CPEB4: variants seen among roughly 807,000 people sequenced by gnomAD.
CPEB4 encodes cytoplasmic polyadenylation element binding protein 4, also known as cytoplasmic polyadenylation element-binding protein 4.
In CPEB4, 12 loss-of-function variants were observed where a neutral mutation model predicts 72.5. That is an observed-to-expected ratio of 0.17 (90% CI 0.11 to 0.27). The LOEUF (loss-of-function observed/expected upper bound fraction) is 0.27, where lower values mean the gene tolerates loss of function less well. Ranked by LOEUF, CPEB4 falls within the 10% of genes least tolerant of loss-of-function variation. The pLI, the probability that CPEB4 is intolerant of heterozygous loss-of-function variation, is 1.00. For missense variants in CPEB4, 614 were observed against 908.5 expected (o/e 0.68, Z 4.17); for synonymous variants, 302 against 326.3 (o/e 0.93, Z 0.80).
chr5:173,931,641 C>T (rs1211278089), intron 2 of CPEB4, among the ~76,000 whole-genome samples: 4 of 152,138 alleles, frequency 2.6e-5, no homozygotes, highest in Non-Finnish European at 4.4e-5. Context: ...GAACTAGGTC[C>T]ATATGTGTAC....
At chr5:173,892,272 C>A (rs190685394) in intron 1 of CPEB4, among the ~76,000 whole-genome samples, 1 of 53,478 alleles carries the variant, frequency 1.9e-5, no homozygotes, top group Non-Finnish European at 4.8e-5. Context: ...CTTCTAAAAA[C>A]GATTTTTTTT....
chr5:173,921,620 C>T (rs564559558), intron 2 of CPEB4, among the ~76,000 whole-genome samples: 1 of 152,214 alleles, frequency 6.6e-6, no homozygotes, highest in South Asian at 2.1e-4. Flanking sequence ...AGCCATCTGA[C>T]GAGATGGGTG....
At chr5:173,942,730 C>T (rs1427900736) in intron 3 of CPEB4, among the ~76,000 whole-genome samples, 1 of 152,120 alleles carries the variant, frequency 6.6e-6, no homozygotes, top group East Asian at 1.9e-4. Flanking sequence ...TTGTATACTG[C>T]CTTAGTTTCA....
chr5:173,937,387 T>A (rs1242930259), intron 3 of CPEB4, among the ~76,000 whole-genome samples: 1 of 152,096 alleles, frequency 6.6e-6, no homozygotes, highest in African/African-American at 2.4e-5. Flanking sequence ...AGAGGAAGAT[T>A]GTTTGCTTGG....
At chr5:173,946,831 A>G (rs1054675038) in intron 5 of CPEB4, among the ~76,000 whole-genome samples, 1 of 152,140 alleles carries the variant, frequency 6.6e-6, no homozygotes, top group Admixed American at 6.5e-5. Context: ...TGTTATACTG[A>G]CATTGTTCCC....
intron 2 of CPEB4, among the ~76,000 whole-genome samples, chr5:173,929,044 C>G (rs1281044484): frequency 6.6e-6 from 1 of 152,138 alleles, no homozygotes; most frequent in African/African-American, 2.4e-5. Context: ...TATCACAAGG[C>G]CGGATCAAAA....
At chr5:173,911,207 C>T (rs546720572) in intron 2 of CPEB4, among the ~76,000 whole-genome samples, 1 of 151,870 alleles carries the variant, frequency 6.6e-6, no homozygotes, top group African/African-American at 2.4e-5. Flanking sequence ...TAGAATTACC[C>T]GGGTGCTTTA....
chr5:173,916,964 A>G (rs1487857917), intron 2 of CPEB4, among the ~76,000 whole-genome samples: 1 of 152,174 alleles, frequency 6.6e-6, no homozygotes, highest in African/African-American at 2.4e-5. Flanking sequence ...CTTTCGATAC[A>G]CCATTTTACT....
intron 2 of CPEB4, 43 bp from the exon 3 acceptor site, chr5:173,932,407 T>C (rs771165558): frequency 1.6e-5 from 25 of 1,520,200 alleles, no homozygotes; most frequent in Non-Finnish European, 2.1e-5. Flanking sequence ...TTAAACCATC[T>C]ATGAAAAAAG....
rs1437411135 is a variant in CPEB4 at position 173,958,758 on chromosome 5, C to T, written c.*2621C>T. 1 of 152,252 alleles carries T rather than the reference C, an allele frequency of 6.6e-6. No homozygotes were observed. The highest frequency in any genetic ancestry group is 1.9e-4 in the East Asian group (1 of 5,264). The allele number at this position is 152,252 out of a possible 1,614,324, so 9.4% of individuals were successfully genotyped here. On this transcript the variant is annotated 3_prime_UTR_variant, in exon 10 of 10. Transcript: ENST00000265085. ...TAACAAAATTGTCTACAGCTTCTTA[C>T]TAAGTTTTTAAAATTATTCATAAAA...
At chr5:173,913,727 AAATT>A (rs2113185152) in intron 2 of CPEB4, among the ~76,000 whole-genome samples, 1 of 152,344 alleles carries the variant, frequency 6.6e-6, no homozygotes, top group South Asian at 2.1e-4. Flanking sequence ...ATGACAAAAT[AAATT>A]AAGTCTGATT....
chr5:173,927,345 G>A (rs1238949312), intron 2 of CPEB4, among the ~76,000 whole-genome samples: 1 of 152,190 alleles, frequency 6.6e-6, no homozygotes, highest in East Asian at 1.9e-4. Context: ...CACTCAAGAT[G>A]CCTAGGTATT....
intron 5 of CPEB4, among the ~76,000 whole-genome samples, chr5:173,948,500 GA>G (rs1183282274): frequency 6.6e-6 from 1 of 152,016 alleles, no homozygotes; most frequent in Non-Finnish European, 1.5e-5. Flanking sequence ...TATCTTGGGG[GA>G]AAAAAGATTA....
intron 2 of CPEB4, among the ~76,000 whole-genome samples, chr5:173,929,509 G>A (rs765480391): frequency 6.6e-5 from 10 of 152,058 alleles, no homozygotes; most frequent in Non-Finnish European, 1.5e-4. Context: ...GACCAGCCTG[G>A]GTAACATAGG....
intron 3 of CPEB4, among the ~76,000 whole-genome samples, chr5:173,938,721 C>T (rs1033602205): frequency 1.3e-5 from 2 of 152,200 alleles, no homozygotes; most frequent in African/African-American, 4.8e-5. Flanking sequence ...TCTTATCCTT[C>T]ATGGCCTAAA....
rs1004447174 is a variant in CPEB4 at position 173,958,785 on chromosome 5, G to A, written c.*2648G>A. 3 of 152,564 alleles carry A rather than the reference G, an allele frequency of 2.0e-5. No individual in the cohort carries two copies. Among genetic ancestry groups the A allele is most frequent in the Admixed American group, 6.5e-5 (1 of 15,276 alleles). The allele number at this position is 152,564 out of a possible 1,614,324, so 9.5% of individuals were successfully genotyped here. The stretch of plus-strand genomic sequence containing the variant: ...AAGTTTTTAAAATTATTCATAAAAT[G>A]CAGACATTTTTGGTGAATGTTTAGC... On this transcript the variant is annotated 3_prime_UTR_variant, in exon 10 of 10. Transcript: ENST00000265085.
chr5:173,939,869 TG>T (rs1433670697), intron 3 of CPEB4, among the ~76,000 whole-genome samples: 9 of 150,166 alleles, frequency 6.0e-5, no homozygotes, highest in African/African-American at 2.2e-4. Context: ...CCTAGCACTT[TG>T]GGAGGCTGAA....
intron 5 of CPEB4, among the ~76,000 whole-genome samples, chr5:173,948,670 G>C (rs7706435): frequency 0.15 from 23,524 of 152,058 alleles, 2,038 homozygotes; most frequent in South Asian, 0.31. Flanking sequence ...TAACAGACTT[G>C]GTGGCTTATA....
At chr5:173,929,938 C>G (rs909839405) in intron 2 of CPEB4, among the ~76,000 whole-genome samples, 11 of 151,984 alleles carry the variant, frequency 7.2e-5, no homozygotes, top group Admixed American at 7.2e-4. Context: ...TGTGATAGCT[C>G]TTATTCATTT....
Sources: allele counts gnomAD v4.1 joint callset (sites outside exome capture counted in the v4.1 genomes callset), GRCh38; gene constraint gnomAD v4.1.1; transcripts MANE v1.5; gene names NCBI Gene and HGNC (gene_info 2026-07-23, HGNC 2026-07-21).